PHKB: variants seen among roughly 807,000 people sequenced by gnomAD.
PHKB encodes the protein phosphorylase kinase regulatory subunit beta.
Under a neutral mutation model 152.1 loss-of-function variants are expected in PHKB, and 122 were observed. That is an observed-to-expected ratio of 0.80 (90% CI 0.69 to 0.93). The LOEUF (loss-of-function observed/expected upper bound fraction) is 0.93, where lower values mean the gene tolerates loss of function less well. PHKB is among the 40% of genes least tolerant of loss of function. The pLI, the probability that PHKB is intolerant of heterozygous loss-of-function variation, is 0.00. For synonymous variants in PHKB, 436 were observed against 464.9 expected (o/e 0.94, Z 0.80); for missense variants, 1,304 against 1,328.4 (o/e 0.98, Z 0.29).
At chr16:47,537,845 G>C (rs1970978145) in intron 6 of PHKB, among the ~76,000 whole-genome samples, 1 of 151,788 alleles carries the variant, frequency 6.6e-6, no homozygotes, top group African/African-American at 2.4e-5. Context: ...TGAATTGTAA[G>C]CAGGTATTGT....
intron 13 of PHKB, among the ~76,000 whole-genome samples, chr16:47,601,432 G>A (rs1354708950): frequency 6.6e-6 from 1 of 152,108 alleles, no homozygotes; most frequent in African/African-American, 2.4e-5. Flanking sequence ...AGGGCCAGGT[G>A]TGGTGGCTCA....
At chr16:47,543,079 A>C (rs1446379750) in intron 6 of PHKB, among the ~76,000 whole-genome samples, 1 of 152,148 alleles carries the variant, frequency 6.6e-6, no homozygotes, top group African/African-American at 2.4e-5. Context: ...GTCTTGTGCC[A>C]GTTTTCAAAG....
intron 14 of PHKB, among the ~76,000 whole-genome samples, chr16:47,637,862 C>T (rs1057048089): frequency 3.9e-5 from 6 of 152,086 alleles, no homozygotes; most frequent in Non-Finnish European, 7.4e-5. Flanking sequence ...GCTGGGTGAT[C>T]CAAGATCAAG....
At chr16:47,499,651 A>G in intron 2 of PHKB, 105 bp from the exon 3 acceptor site, 1 of 1,369,504 alleles carries the variant, frequency 7.3e-7, no homozygotes, top group Non-Finnish European at 1.0e-6. Context: ...GTTTAGAAAC[A>G]AAATCGTCAG....
intron 7 of PHKB, among the ~76,000 whole-genome samples, chr16:47,576,819 T>C (rs1971757313): frequency 6.6e-6 from 1 of 152,186 alleles, no homozygotes. Context: ...TTCCATCCTT[T>C]AACTTTAAGC....
intron 1 of PHKB, among the ~76,000 whole-genome samples, chr16:47,471,790 T>C (rs1188409118): frequency 6.6e-6 from 1 of 152,202 alleles, no homozygotes; most frequent in Non-Finnish European, 1.5e-5. Context: ...TTCTAATGCA[T>C]AATTAATTAA....
chr16:47,565,972 T>A, intron 7 of PHKB: 1 of 817,132 alleles, frequency 1.2e-6, no homozygotes, highest in Non-Finnish European at 2.0e-6. Context: ...TAATCATCTC[T>A]GGAGCTCTAT....
intron 14 of PHKB, among the ~76,000 whole-genome samples, chr16:47,617,574 G>A (rs1972541639): frequency 6.6e-6 from 1 of 151,996 alleles, no homozygotes; most frequent in African/African-American, 2.4e-5. Context: ...ATTTCATTAA[G>A]CATAATTTCC....
chr16:47,580,560 A>T (rs921877960), intron 8 of PHKB, among the ~76,000 whole-genome samples: 99 of 129,776 alleles, frequency 7.6e-4, no homozygotes, highest in African/African-American at 3.0e-3. Flanking sequence ...AATTTCTTTA[A>T]AAAAAAAAAA....
chr16:47,647,113 GTATTTATT>G (rs752246332), intron 16 of PHKB, among the ~76,000 whole-genome samples: 9 of 151,546 alleles, frequency 5.9e-5, no homozygotes, highest in Non-Finnish European at 8.8e-5. Flanking sequence ...ATTTATTTAT[GTATTTATT>G]TATTTATTTA....
intron 4 of PHKB, among the ~76,000 whole-genome samples, chr16:47,503,848 A>AG (rs1485104946): frequency 6.6e-6 from 1 of 152,178 alleles, no homozygotes; most frequent in South Asian, 2.1e-4. Flanking sequence ...AAGAAAAAAA[A>AG]GAAAACAGCT....
At chr16:47,576,993 TTG>T (rs1971760514) in intron 7 of PHKB, among the ~76,000 whole-genome samples, 1 of 152,082 alleles carries the variant, frequency 6.6e-6, no homozygotes, top group African/African-American at 2.4e-5. Context: ...TCTTTTTTAT[TTG>T]TCTTTTTTAA....
intron 4 of PHKB, among the ~76,000 whole-genome samples, chr16:47,508,024 G>A (rs1970450029): frequency 6.6e-6 from 1 of 152,168 alleles, no homozygotes; most frequent in Non-Finnish European, 1.5e-5. Flanking sequence ...CTAGCCTCAT[G>A]TTGTCTTTTG....
At chr16:47,619,048 G>C (rs1321119193) in intron 14 of PHKB, 1 of 152,108 alleles carries the variant, frequency 6.6e-6, no homozygotes, top group Non-Finnish European at 1.5e-5. Context: ...TTTGTTTATA[G>C]GCACTGTACA....
At chr16:47,611,428 A>T (rs1478327058) in intron 14 of PHKB, among the ~76,000 whole-genome samples, 1 of 152,276 alleles carries the variant, frequency 6.6e-6, no homozygotes, top group East Asian at 1.9e-4. Flanking sequence ...GATCAGCAAG[A>T]TTGATACTGA....
intron 20 of PHKB, among the ~76,000 whole-genome samples, chr16:47,653,049 C>G (rs1346640874): frequency 6.6e-6 from 1 of 151,314 alleles, no homozygotes; most frequent in African/African-American, 2.4e-5. Flanking sequence ...GATGAATTCA[C>G]TTATAAGGTG....
At chr16:47,483,485 T>G (rs1970000976) in intron 1 of PHKB, among the ~76,000 whole-genome samples, 1 of 152,226 alleles carries the variant, frequency 6.6e-6, no homozygotes, top group African/African-American at 2.4e-5. Context: ...AGTATAAGTA[T>G]GAAATAATGA....
At chr16:47,467,646 A>G (rs1317808411) in intron 1 of PHKB, among the ~76,000 whole-genome samples, 2 of 152,172 alleles carry the variant, frequency 1.3e-5, no homozygotes, top group Non-Finnish European at 2.9e-5. Context: ...AGGCCATATC[A>G]TATGACTTAA....
chr16:47,568,621 A>G (rs1971607256), intron 7 of PHKB, among the ~76,000 whole-genome samples: 1 of 152,044 alleles, frequency 6.6e-6, no homozygotes, highest in African/African-American at 2.4e-5. Flanking sequence ...TTATGTTGCC[A>G]GTCTTTGATC....
Sources: gnomAD v4.1 joint callset for allele counts (sites outside exome capture counted in the v4.1 genomes callset) on GRCh38, gnomAD v4.1.1 for gene constraint, MANE v1.5 for transcripts, NCBI Gene and HGNC (gene_info 2026-07-23, HGNC 2026-07-21) for gene names.